The following ASIC2 variants were observed in gnomAD, a reference collection of about 807,000 sequenced individuals.
ASIC2 encodes acid-sensing ion channel 2.
A neutral mutation model predicts 57.3 loss-of-function variants in ASIC2; 25 were observed. The ratio of observed to expected loss-of-function variants is 0.44; its 90% CI spans 0.32 to 0.61. The LOEUF (loss-of-function observed/expected upper bound fraction) is 0.61, where lower values mean the gene tolerates loss of function less well. ASIC2 is among the 20% of genes least tolerant of loss of function. The pLI is 0.06. For synonymous variants in ASIC2, 319 were observed against 307.5 expected (o/e 1.04, Z -0.39); for missense variants, 641 against 738.1 (o/e 0.87, Z 1.52).
At chr17:33,631,275 C>T (rs1370290138) in intron 1 of ASIC2, among the ~76,000 whole-genome samples, 1 of 150,598 alleles carries the variant, frequency 6.6e-6, no homozygotes, top group Middle Eastern at 3.6e-3. Context: ...GTAGTTATTT[C>T]GTTTGTGCTC....
chr17:34,100,884 A>C (rs530552335), intron 1 of ASIC2, among the ~76,000 whole-genome samples: 3 of 152,328 alleles, frequency 2.0e-5, no homozygotes, highest in Admixed American at 6.5e-5. Flanking sequence ...TTGTAGTGAA[A>C]TATAAGGGCT....
intron 1 of ASIC2, among the ~76,000 whole-genome samples, chr17:33,131,077 A>G (rs555513894): frequency 1.3e-5 from 2 of 152,332 alleles, no homozygotes; most frequent in African/African-American, 4.8e-5. Flanking sequence ...CACCTGGCAT[A>G]GAGCCTACTA....
At position 33,393,625 on chromosome 17, in the gene ASIC2, C is replaced by T. The variant is rs916431656; in HGVS notation, c.556-281558G>A. Among the ~76,000 whole-genome samples, 7 of 152,238 alleles carry T rather than the reference C, an allele frequency of 4.6e-5. No homozygotes were observed. In the South Asian group the frequency reaches 6.2e-4, roughly 14 times the overall value. On this transcript the variant is annotated intron_variant, in intron 1 of 9. Coordinates refer to the ASIC2 transcript ENST00000359872. ...GCTTAGCAAAATGGGAATAATAAAA[C>T]CTATCTCATAGGGCTGTGGAGAGGA... is the stretch of plus-strand genomic sequence containing the variant.
chr17:34,107,655 A>G (rs1380509700), intron 1 of ASIC2, among the ~76,000 whole-genome samples: 1 of 152,204 alleles, frequency 6.6e-6, no homozygotes, highest in Non-Finnish European at 1.5e-5. Context: ...CTCCCCCACC[A>G]CAAGTCCAAT....
chr17:33,738,791 G>A (rs568114296), intron 1 of ASIC2, among the ~76,000 whole-genome samples: 32 of 152,164 alleles, frequency 2.1e-4, no homozygotes, highest in Non-Finnish European at 8.8e-5. Context: ...GGGCTCTCCC[G>A]CTAGAACAAG....
At chr17:33,018,175 C>A (rs2091816907) in intron 7 of ASIC2, among the ~76,000 whole-genome samples, 1 of 152,198 alleles carries the variant, frequency 6.6e-6, no homozygotes, top group Non-Finnish European at 1.5e-5. Flanking sequence ...TCTCCTCTCT[C>A]CCCCATCCAA....
chr17:33,854,585 A>G (rs1327145826), intron 1 of ASIC2, among the ~76,000 whole-genome samples: 3 of 152,176 alleles, frequency 2.0e-5, no homozygotes, highest in Non-Finnish European at 4.4e-5. Flanking sequence ...CCCTCAAAGT[A>G]GGGAACTGTG....
At chr17:33,756,578 C>T (rs1004256102) in intron 1 of ASIC2, among the ~76,000 whole-genome samples, 1 of 152,240 alleles carries the variant, frequency 6.6e-6, no homozygotes, top group Non-Finnish European at 1.5e-5. Flanking sequence ...AGAGCCAGGG[C>T]TTACCTTCTA....
At chr17:34,030,432 C>T (rs558749380) in intron 1 of ASIC2, among the ~76,000 whole-genome samples, 8 of 152,284 alleles carry the variant, frequency 5.3e-5, no homozygotes, top group East Asian at 3.9e-4. Flanking sequence ...GCTTGAGCAA[C>T]GCAGAAGATG....
At chr17:34,120,722 CTTTTT>C (rs142959293) in intron 1 of ASIC2, among the ~76,000 whole-genome samples, 2 of 94,644 alleles carry the variant, frequency 2.1e-5, no homozygotes, top group Non-Finnish European at 2.0e-5. Context: ...TGGGGTCCTT[CTTTTT>C]TTTTTTTTTT....
intron 1 of ASIC2, among the ~76,000 whole-genome samples, chr17:33,896,449 C>A (rs909444463): frequency 6.6e-6 from 1 of 152,210 alleles, no homozygotes; most frequent in African/African-American, 2.4e-5. Context: ...GAGAGTCTAG[C>A]GACTCCGCAA....
intron 1 of ASIC2, among the ~76,000 whole-genome samples, chr17:34,025,190 C>T (rs545582102): frequency 6.6e-6 from 1 of 152,332 alleles, no homozygotes; most frequent in African/African-American, 2.4e-5. Flanking sequence ...TCCTTCTGAG[C>T]CCCTGAGTCT....
At chr17:33,403,579 G>T (rs1910359310) in intron 1 of ASIC2, among the ~76,000 whole-genome samples, 1 of 152,204 alleles carries the variant, frequency 6.6e-6, no homozygotes, top group South Asian at 2.1e-4. Context: ...GAAAAGCCTT[G>T]TTTGGTGGAA....
intron 1 of ASIC2, among the ~76,000 whole-genome samples, chr17:33,230,531 C>CCGGA (rs1908050281): frequency 6.6e-6 from 1 of 152,154 alleles, no homozygotes; most frequent in South Asian, 2.1e-4. Context: ...ACTGAGGGGG[C>CCGGA]CGGACTTCCA....
At chr17:33,504,924 T>G (rs1161984867) in intron 1 of ASIC2, among the ~76,000 whole-genome samples, 2 of 152,034 alleles carry the variant, frequency 1.3e-5, no homozygotes, top group African/African-American at 2.4e-5. Flanking sequence ...TGTGGGGCTA[T>G]GGGGGTGAGG....
chr17:34,113,283 G>T (rs1567826787), intron 1 of ASIC2, among the ~76,000 whole-genome samples: 1 of 152,166 alleles, frequency 6.6e-6, no homozygotes, highest in Non-Finnish European at 1.5e-5. Context: ...TATGTGTCAA[G>T]AATAAAATGA....
intron 1 of ASIC2, among the ~76,000 whole-genome samples, chr17:34,141,641 AT>A (rs1912275527): frequency 6.6e-6 from 1 of 152,216 alleles, no homozygotes. Context: ...TGTTAAATCC[AT>A]GTGCTGGGCA....
chr17:33,807,169 G>A (rs931250260), intron 1 of ASIC2, among the ~76,000 whole-genome samples: 1 of 152,184 alleles, frequency 6.6e-6, no homozygotes, highest in African/African-American at 2.4e-5. Flanking sequence ...CCCCACTTGA[G>A]AGGTACTTCC....
At chr17:33,177,667 G>A (rs1225125967) in intron 1 of ASIC2, among the ~76,000 whole-genome samples, 4 of 152,290 alleles carry the variant, frequency 2.6e-5, no homozygotes, top group Admixed American at 6.5e-5. Flanking sequence ...CTGCTCACGT[G>A]CTTATTTCTG....
Sources: gnomAD v4.1 joint callset for allele counts (sites outside exome capture counted in the v4.1 genomes callset) on GRCh38, gnomAD v4.1.1 for gene constraint, MANE v1.5 for transcripts, NCBI Gene and HGNC (gene_info 2026-07-23, HGNC 2026-07-21) for gene names.